Variants in ANKFN1 observed in about 807,000 individuals in gnomAD.
ANKFN1 encodes the protein ankyrin repeat and fibronectin type-III domain-containing protein 1.
ANKFN1 carries 74 observed loss-of-function variants against 108.7 expected under a neutral mutation model. The ratio of observed to expected loss-of-function variants is 0.68; its 90% CI spans 0.56 to 0.83. The LOEUF is 0.83. Among genes scored for constraint, ANKFN1 ranks in the 40% least tolerant of loss-of-function variants. The pLI is 0.00. For synonymous variants in ANKFN1, 547 were observed against 516.2 expected (o/e 1.06, Z -0.81); for missense variants, 1,505 against 1,382.3 (o/e 1.09, Z -1.41).
At chr17:56,074,303 G>A (rs1905155693) in intron 4 of ANKFN1, among the ~76,000 whole-genome samples, 1 of 152,128 alleles carries the variant, frequency 6.6e-6, no homozygotes, top group South Asian at 2.1e-4. Context: ...TAACCTGCAG[G>A]GGCACCCACG....
Position 56,510,718 on chromosome 17 carries a change from C to T in ANKFN1, c.2890C>T (p.His964Tyr), listed in dbSNP as rs769220912. 5 of 1,536,172 alleles carry T rather than the reference C, an allele frequency of 3.3e-6. No individual in the cohort carries two copies. Among genetic ancestry groups the T allele is most frequent in the South Asian group, 1.2e-5 (1 of 84,066 alleles). The change falls in exon 21 of 21, where the codon CAC (histidine) becomes TAC (tyrosine). Residue 964 changes from histidine (H) to tyrosine (Y), a missense_variant. His to Tyr is a moderately conservative substitution (Grantham distance 83). Coordinates refer to ENST00000682825, the MANE Select transcript of ANKFN1 (RefSeq NM_001370326.1). ...DPQGEGPNPD[H>Y]SCAEFLHSLT... ...CCAGGGCGAGGGCCCAAATCCCGAT[C>T]ACTCATGTGCCGAGTTTCTCCATAG...
intron 4 of ANKFN1, among the ~76,000 whole-genome samples, chr17:56,048,735 A>G (rs1904722754): frequency 6.6e-6 from 1 of 152,192 alleles, no homozygotes; most frequent in Non-Finnish European, 1.5e-5. Flanking sequence ...GCACCTGAAA[A>G]TCATGAGCCA....
chr17:56,058,584 C>T (rs1169145863), intron 4 of ANKFN1, among the ~76,000 whole-genome samples: 2 of 151,564 alleles, frequency 1.3e-5, no homozygotes, highest in African/African-American at 4.9e-5. Context: ...GTTCCCTCCC[C>T]TTGCCCCCTA....
At position 56,489,751 on chromosome 17, in the gene ANKFN1, G is replaced by T. The variant is rs34406171; in HGVS notation, c.2261-2436G>T. On this transcript the variant is annotated intron_variant, in intron 18 of 20. Coordinates refer to ENST00000682825, the MANE Select transcript of ANKFN1 (RefSeq NM_001370326.1). ...TTTTTTTTTTTTACCTCTTGGTTCAGAAAGGCAGGGTTTGAGACACTTCAC... is the reference window on the plus strand; with the variant it reads ...TTTTTTTTTTTTACCTCTTGGTTCATAAAGGCAGGGTTTGAGACACTTCAC... Among the ~76,000 whole-genome samples the T allele has an allele frequency of 2.6e-4, 39 of 152,022 alleles. 1 individual carries two copies. The highest frequency in any genetic ancestry group is 1.8e-3 in the Admixed American group (28 of 15,270).
intron 4 of ANKFN1, among the ~76,000 whole-genome samples, chr17:56,107,433 C>A (rs773897885): frequency 1.3e-5 from 2 of 152,192 alleles, no homozygotes; most frequent in African/African-American, 4.8e-5. Context: ...TTTACAATGA[C>A]AGGTCAGGTA....
intron 6 of ANKFN1, among the ~76,000 whole-genome samples, chr17:56,364,103 G>T (rs1479088783): frequency 6.6e-6 from 1 of 152,030 alleles, no homozygotes; most frequent in Non-Finnish European, 1.5e-5. Context: ...ACAAAAAAAA[G>T]ATATATATTT....
At chr17:56,110,510 C>G (rs1322720650) in intron 4 of ANKFN1, among the ~76,000 whole-genome samples, 1 of 152,184 alleles carries the variant, frequency 6.6e-6, no homozygotes, top group Admixed American at 6.5e-5. Context: ...TCAGTCATGA[C>G]TTTTTCTCTT....
intron 1 of ANKFN1, among the ~76,000 whole-genome samples, chr17:56,176,526 A>G (rs1050271642): frequency 6.6e-6 from 1 of 152,240 alleles, no homozygotes; most frequent in African/African-American, 2.4e-5. Flanking sequence ...CTCCATTTAT[A>G]GCAAAGCAGA....
chr17:56,205,077 A>AAAAAC (rs112880628), intron 1 of ANKFN1, among the ~76,000 whole-genome samples: 4,276 of 151,798 alleles, frequency 0.028, 155 homozygotes, highest in African/African-American at 0.09. Context: ...ACTCCGTCTC[A>AAAAAC]AAAACAAAAC....
chr17:56,289,215 C>T (rs76352536), intron 3 of ANKFN1, among the ~76,000 whole-genome samples: 11,520 of 152,164 alleles, frequency 0.076, 1,154 homozygotes, highest in African/African-American at 0.23. Flanking sequence ...TTAATCAGTG[C>T]TTATAGTTCC....
At chr17:56,345,528 G>C (rs1356634263) in intron 4 of ANKFN1, among the ~76,000 whole-genome samples, 1 of 152,022 alleles carries the variant, frequency 6.6e-6, no homozygotes, top group African/African-American at 2.4e-5. Flanking sequence ...AAGCATTCCT[G>C]TTTCTCCACA....
At chr17:56,102,445 C>T (rs1240276256) in intron 4 of ANKFN1, among the ~76,000 whole-genome samples, 1 of 152,168 alleles carries the variant, frequency 6.6e-6, no homozygotes, top group Admixed American at 6.5e-5. Flanking sequence ...TTACATTTTA[C>T]AGCAATATTA....
intron 3 of ANKFN1, among the ~76,000 whole-genome samples, chr17:56,288,929 G>C (rs397843102): frequency 1.3e-5 from 2 of 152,142 alleles, no homozygotes; most frequent in African/African-American, 4.8e-5. Context: ...TATCATCCAC[G>C]GGTTAGCAAG....
At chr17:56,401,373 G>A (rs7503442) in intron 8 of ANKFN1, among the ~76,000 whole-genome samples, 3,789 of 23,284 alleles carry the variant, frequency 0.16, 143 homozygotes, top group East Asian at 0.26. Flanking sequence ...ATTGTATTGT[G>A]TTGTGTTGTG....
At chr17:56,266,544 C>G (rs2043657021) in intron 3 of ANKFN1, among the ~76,000 whole-genome samples, 1 of 152,200 alleles carries the variant, frequency 6.6e-6, no homozygotes, top group African/African-American at 2.4e-5. Context: ...TTAAGCCTAT[C>G]TATCCCTGTG....
intron 11 of ANKFN1, among the ~76,000 whole-genome samples, chr17:56,450,013 G>A (rs898701649): frequency 6.6e-6 from 1 of 152,194 alleles, no homozygotes; most frequent in Non-Finnish European, 1.5e-5. Context: ...ACGATTCGTG[G>A]AAGAGGTACT....
At position 56,153,476 on chromosome 17, in the gene ANKFN1, T is replaced by C; in HGVS notation, c.-125T>C. 6.2e-7 allele frequency: 1 copy of C among 1,613,820 alleles called. No individual in the cohort carries two copies. The highest frequency in any genetic ancestry group is 2.2e-5 in the East Asian group (1 of 44,874). On this transcript the variant is annotated 5_prime_UTR_variant, in exon 1 of 21. Transcript: ENST00000682825. ...GGGTTTCCCTCCACCCCCCAGGTCC[T>C]CTTTCAACTCAAGAGCTCAGTCCTG...
intron 4 of ANKFN1, among the ~76,000 whole-genome samples, chr17:56,052,038 A>G (rs1269238603): frequency 1.4e-5 from 2 of 148,074 alleles, no homozygotes; most frequent in African/African-American, 2.5e-5. Flanking sequence ...CAAGCTCCCA[A>G]TGACTTTCTT....
chr17:56,468,381 C>A (rs2050204333), intron 15 of ANKFN1, among the ~76,000 whole-genome samples: 1 of 152,040 alleles, frequency 6.6e-6, no homozygotes, highest in South Asian at 2.1e-4. Context: ...CTCACACATT[C>A]TTTTGTGAAC....
Sources: gnomAD v4.1 joint callset for allele counts (sites outside exome capture counted in the v4.1 genomes callset) on GRCh38, gnomAD v4.1.1 for gene constraint, MANE v1.5 for transcripts, NCBI Gene and HGNC (gene_info 2026-07-23, HGNC 2026-07-21) for gene names.